Variants in PTCHD4 observed in about 807,000 individuals in gnomAD.
PTCHD4 encodes patched domain containing 4, also known as patched domain-containing protein 4.
Under a neutral mutation model 58.1 loss-of-function variants are expected in PTCHD4, and 33 were observed. The observed-to-expected ratio is 0.57, with a 90% CI of 0.43 to 0.76. The LOEUF is 0.76. Among genes scored for constraint, PTCHD4 ranks in the 30% least tolerant of loss-of-function variants. The pLI, the probability that PTCHD4 is intolerant of heterozygous loss-of-function variation, is 0.00. For missense variants in PTCHD4, 1,058 were observed against 1,027.1 expected (o/e 1.03, Z -0.41); for synonymous variants, 478 against 409.6 (o/e 1.17, Z -2.02).
Position 47,868,828 on chromosome 6 carries a change from A to G in PTCHD4, c.*9475T>C, listed in dbSNP as rs538863948. Among the ~76,000 whole-genome samples, 85 of 151,904 alleles carry G rather than the reference A, an allele frequency of 5.6e-4. 2 individuals are homozygous for G. In the South Asian group the frequency reaches 0.017, roughly 30 times the overall value. On this transcript the variant is annotated 3_prime_UTR_variant, in exon 5 of 5. Transcript: ENST00000339488. ...TTTAGAAATGATAAAAGTTGAACATATTTAAAGGAAAAAAGCAGAATAAAA... is the reference window on the plus strand; with the variant it reads ...TTTAGAAATGATAAAAGTTGAACATGTTTAAAGGAAAAAAGCAGAATAAAA...
chr6:48,003,040 C>T (rs979268512), intron 4 of PTCHD4, among the ~76,000 whole-genome samples: 2 of 152,130 alleles, frequency 1.3e-5, no homozygotes, highest in African/African-American at 2.4e-5. Context: ...GCTTCTCATG[C>T]TATTTTTCTG....
intron 3 of PTCHD4, among the ~76,000 whole-genome samples, chr6:48,049,051 C>T (rs754959969): frequency 3.3e-5 from 5 of 151,912 alleles, no homozygotes; most frequent in Non-Finnish European, 5.9e-5. Flanking sequence ...GGCTTGTGGG[C>T]AGAGAAATCT....
At chr6:48,092,786 A>C (rs1765393018) in intron 1 of PTCHD4, among the ~76,000 whole-genome samples, 1 of 152,202 alleles carries the variant, frequency 6.6e-6, no homozygotes, top group Admixed American at 6.5e-5. Context: ...CCCCTTCCCT[A>C]GCATGGGAAT....
At chr6:47,948,101 T>C (rs2113939564) in intron 4 of PTCHD4, among the ~76,000 whole-genome samples, 1 of 152,336 alleles carries the variant, frequency 6.6e-6, no homozygotes, top group South Asian at 2.1e-4. Context: ...GGAGCTGTGG[T>C]CTTAGCTCAA....
rs550567323 is a variant in PTCHD4, at chr6:47,897,680, C to A, written c.899-17744G>T. 1.4e-4 allele frequency among the ~76,000 whole-genome samples: 21 copies of A among 152,248 alleles called. No individual in the cohort carries two copies. The South Asian group carries it at 2.3e-3, about 17-fold the overall frequency. ...GTCTCTATTCCAGCTTTACCAAGGA[C>A]TTTGGGCAACACTGTGCTTTTATTT... On this transcript the variant is annotated intron_variant, in intron 4 of 4. Transcript: ENST00000339488.
rs1198844466 is a variant in PTCHD4 at position 47,863,627 on chromosome 6, T to C, written c.*14676A>G. 6.6e-6 allele frequency among the ~76,000 whole-genome samples: 1 copy of C among 151,998 alleles called. No individual in the cohort carries two copies. The highest frequency in any genetic ancestry group is 2.4e-5 in the African/African-American group (1 of 41,430). ...TACTAAAAATTTCATTCACTGATTA[T>C]TGGAAATTCAAACTTAACTCATGTC... On this transcript the variant is annotated 3_prime_UTR_variant, in exon 5 of 5. Transcript: ENST00000339488.
intron 4 of PTCHD4, among the ~76,000 whole-genome samples, chr6:47,905,821 T>C (rs1266151196): frequency 6.6e-6 from 1 of 152,176 alleles, no homozygotes; most frequent in Non-Finnish European, 1.5e-5. Flanking sequence ...CAACCTCAGC[T>C]CCTTTCTACC....
At chr6:47,892,149 A>G (rs1039126770) in intron 4 of PTCHD4, among the ~76,000 whole-genome samples, 2 of 152,166 alleles carry the variant, frequency 1.3e-5, no homozygotes, top group African/African-American at 4.8e-5. Flanking sequence ...ATGTGGAACT[A>G]AAAATTCATT....
intron 4 of PTCHD4, among the ~76,000 whole-genome samples, chr6:47,950,977 A>G (rs1766624295): frequency 6.6e-6 from 1 of 152,180 alleles, no homozygotes; most frequent in South Asian, 2.1e-4. Flanking sequence ...TGACCTTGTC[A>G]CTAATGTTGG....
chr6:48,087,591 G>A (rs755168970), intron 1 of PTCHD4, among the ~76,000 whole-genome samples: 1 of 152,002 alleles, frequency 6.6e-6, no homozygotes, highest in Non-Finnish European at 1.5e-5. Flanking sequence ...ATTGTTACAG[G>A]GTTCTAGGTA....
chr6:47,897,940 C>CTTTTTTTT (rs67063892), intron 4 of PTCHD4, among the ~76,000 whole-genome samples: 287 of 76,346 alleles, frequency 3.8e-3, no homozygotes, highest in African/African-American at 4.6e-3. Context: ...TTCTTTCTTT[C>CTTTTTTTT]TTTTTTTTTT....
At chr6:47,917,183 T>G (rs1175773235) in intron 4 of PTCHD4, among the ~76,000 whole-genome samples, 1 of 152,032 alleles carries the variant, frequency 6.6e-6, no homozygotes, top group Non-Finnish European at 1.5e-5. Context: ...CAAAATTTAA[T>G]TTATATATTT....
chr6:47,971,393 C>T (rs1187835494), intron 4 of PTCHD4, among the ~76,000 whole-genome samples: 2 of 151,940 alleles, frequency 1.3e-5, no homozygotes, highest in Admixed American at 6.6e-5. Context: ...TGAAATGGCC[C>T]ACTGTGCTGT....
intron 4 of PTCHD4, among the ~76,000 whole-genome samples, chr6:47,980,440 G>T (rs1020153472): frequency 3.3e-5 from 5 of 151,866 alleles, no homozygotes; most frequent in Non-Finnish European, 7.4e-5. Context: ...GTTCTCTGTA[G>T]CTGTCTTCTT....
At chr6:48,014,673 A>T (rs936884168) in intron 3 of PTCHD4, among the ~76,000 whole-genome samples, 1 of 152,152 alleles carries the variant, frequency 6.6e-6, no homozygotes, top group African/African-American at 2.4e-5. Context: ...GTTTCACTGG[A>T]GATGCCTGGA....
intron 4 of PTCHD4, among the ~76,000 whole-genome samples, chr6:47,921,853 A>G (rs978207690): frequency 1.3e-5 from 2 of 151,868 alleles, no homozygotes; most frequent in Middle Eastern, 3.4e-3. Context: ...GCTCATGCCT[A>G]TAATTCCAGC....
At chr6:48,079,655 G>A (rs1274753956) in intron 1 of PTCHD4, among the ~76,000 whole-genome samples, 1 of 150,886 alleles carries the variant, frequency 6.6e-6, no homozygotes. Context: ...CCCTGACATT[G>A]TTTAGAATGA....
chr6:47,912,090 A>G (rs368868753), intron 4 of PTCHD4, among the ~76,000 whole-genome samples: 4 of 152,104 alleles, frequency 2.6e-5, no homozygotes, highest in African/African-American at 9.7e-5. Context: ...AGAAGAGAAT[A>G]GAGAATTGAC....
intron 4 of PTCHD4, among the ~76,000 whole-genome samples, chr6:47,906,353 C>T (rs1278326979): frequency 6.6e-6 from 1 of 152,218 alleles, no homozygotes; most frequent in Non-Finnish European, 1.5e-5. Flanking sequence ...CACCAAGCCT[C>T]AGTCTTTTCC....
Sources: allele counts gnomAD v4.1 joint callset (sites outside exome capture counted in the v4.1 genomes callset), GRCh38; gene constraint gnomAD v4.1.1; transcripts MANE v1.5; gene names NCBI Gene and HGNC (gene_info 2026-07-23, HGNC 2026-07-21).